Variants in SLC28A1 observed in about 807,000 individuals in gnomAD.
SLC28A1 encodes the protein sodium/nucleoside cotransporter 1.
Under a neutral mutation model 74.8 loss-of-function variants are expected in SLC28A1, and 64 were observed. The observed-to-expected ratio is 0.86, with a 90% confidence interval of 0.70 to 1.05. SLC28A1 has a LOEUF of 1.05. Among genes scored for constraint, SLC28A1 ranks in the 50% least tolerant of loss-of-function variants. SLC28A1 has a pLI of 0.00. For missense variants in SLC28A1, 828 were observed against 822.8 expected (o/e 1.01, Z -0.08); for synonymous variants, 359 against 335.0 (o/e 1.07, Z -0.78).
At chr15:84,952,130 TAGA>T in the SLC28A1 span, among the ~76,000 whole-genome samples, 4 of 152,130 alleles carry the variant, frequency 2.6e-5, no homozygotes, top group Non-Finnish European at 4.4e-5. Context: ...GAACAGGAGC[TAGA>T]AGAAGGACAG....
chr15:84,889,681 CTTCCTTCCTTCT>C lies in SLC28A1; in HGVS notation c.186-750_186-739del, dbSNP rs1368007166. Among the ~76,000 whole-genome samples the C allele has an allele frequency of 4.6e-3, 397 of 85,564 alleles. 11 individuals carry two copies. Among genetic ancestry groups the C allele is most frequent in the African/African-American group, 0.016 (364 of 22,736 alleles). 56.1% of individuals were successfully genotyped at this position (85,564 alleles called of 152,430 possible). On this transcript the variant is annotated intron_variant, in intron 4 of 18. Transcript: ENST00000394573. The stretch of plus-strand genomic sequence containing the variant: ...TTTTCTTTCCTTCCTTCCTTCTTTC[CTTCCTTCCTTCT>C]TTCCTTCCTTCCTTCTTTCCTTCCT...
chr15:84,917,389 A>G (rs564677881), intron 9 of SLC28A1, among the ~76,000 whole-genome samples: 2 of 152,234 alleles, frequency 1.3e-5, no homozygotes, highest in East Asian at 3.9e-4. Context: ...CCTCTTGCAC[A>G]TCCTTCTAAT....
rs59738243 is a variant in SLC28A1 at position 84,884,751 on chromosome 15, G to A, written c.-133G>A. 9,450 of 985,452 alleles carry A rather than the reference G, an allele frequency of 9.6e-3. 566 individuals carry two copies. The East Asian group carries it at 0.24, about 26-fold the overall frequency. The allele number at this position is 985,452 out of a possible 1,614,324, so 61.0% of individuals were successfully genotyped here. On this transcript the variant is annotated splice_region_variant and 5_prime_UTR_variant, in exon 1 of 19. Transcript: ENST00000394573. ...CCCTCTGGATGCTGACAGAAACAAGGGTGAGAGAAAAGGACAGTAGGAGAG... is the reference window on the plus strand; with the variant it reads ...CCCTCTGGATGCTGACAGAAACAAGAGTGAGAGAAAAGGACAGTAGGAGAG...
At chr15:84,904,016 C>A in intron 6 of SLC28A1, 81 bp from the exon 7 acceptor site, 1 of 1,596,544 alleles carries the variant, frequency 6.3e-7, no homozygotes. Flanking sequence ...CACCCTTTCT[C>A]TGGGTCCCCG....
At chr15:84,947,710 G>A (rs187035379), downstream of SLC28A1, among the ~76,000 whole-genome samples, 3 of 152,236 alleles carry the variant, frequency 2.0e-5, no homozygotes, top group East Asian at 5.8e-4. Flanking sequence ...GAGATCCCTG[G>A]GGCCTCTTGC....
At chr15:84,915,990 C>T (rs1005713602) in intron 9 of SLC28A1, among the ~76,000 whole-genome samples, 2 of 151,808 alleles carry the variant, frequency 1.3e-5, no homozygotes, top group Admixed American at 6.6e-5. Context: ...TAGACAGGGT[C>T]TCACTCTGTC....
the SLC28A1 span, among the ~76,000 whole-genome samples, chr15:84,971,840 G>T: frequency 6.6e-6 from 1 of 152,070 alleles, no homozygotes; most frequent in Admixed American, 6.5e-5. Context: ...ATAGAGACGG[G>T]GTTTCATCAT....
At chr15:84,895,239 C>G in intron 6 of SLC28A1, 116 bp downstream of exon 6, 4 of 1,575,244 alleles carry the variant, frequency 2.5e-6, no homozygotes, top group South Asian at 2.2e-5. Context: ...ATGGAGAACT[C>G]TCTGGCGCCC....
the SLC28A1 span, among the ~76,000 whole-genome samples, chr15:84,957,058 T>A: frequency 6.6e-6 from 1 of 152,188 alleles, no homozygotes; most frequent in South Asian, 2.1e-4. Flanking sequence ...TCTTCCCAAA[T>A]TTGTTAAGAA....
chr15:84,968,311 G>A, the SLC28A1 span, among the ~76,000 whole-genome samples: 2 of 152,180 alleles, frequency 1.3e-5, no homozygotes, highest in East Asian at 3.9e-4. Context: ...CTGGTTTGGT[G>A]TGGCTTAGCT....
In SLC28A1 at chr15:84,918,568, C is replaced by G. The variant is rs560549705; in HGVS notation, c.840C>G (p.Leu280=). 27 of 1,614,016 alleles carry G rather than the reference C, an allele frequency of 1.7e-5. No homozygotes were observed. Among genetic ancestry groups the G allele is most frequent in the Admixed American group, 1.2e-4 (7 of 60,010 alleles). The part of the protein sequence containing the change: ...IVFFSCVISV[L]YHVGLMQWVI... ...TTTTCAGCTGTGTCATATCCGTTCT[C>G]TACCACGTGGGCCTCATGCAGTGGG... Residue 280 remains leucine, a synonymous_variant, in exon 10 of 19, where the codon CTC becomes CTG. Coordinates refer to ENST00000394573, the MANE Select transcript of SLC28A1 (RefSeq NM_004213.5).
At chr15:84,912,799 C>CGCGT (rs1555449057) in intron 9 of SLC28A1, among the ~76,000 whole-genome samples, 2 of 56,044 alleles carry the variant, frequency 3.6e-5, no homozygotes, top group Non-Finnish European at 9.5e-5. Context: ...CCAAATTTTG[C>CGCGT]GCGCGCGCAC....
At chr15:84,924,134 T>C in intron 12 of SLC28A1, 24 bp downstream of exon 12, 1 of 1,608,280 alleles carries the variant, frequency 6.2e-7, no homozygotes, top group Non-Finnish European at 8.5e-7. Context: ...TCCTTCTGCT[T>C]GGCTATGTTG....
chr15:84,964,227 CT>C, the SLC28A1 span, among the ~76,000 whole-genome samples: 1 of 147,574 alleles, frequency 6.8e-6, no homozygotes, highest in African/African-American at 2.5e-5. Context: ...GGCTTGATGT[CT>C]AGTGAGGGAG....
chr15:84,943,486 T>C lies in SLC28A1; in HGVS notation c.1623T>C (p.Phe541=), dbSNP rs749835059. 4 of 1,614,144 alleles carry C rather than the reference T, an allele frequency of 2.5e-6. No homozygotes were observed. In the South Asian group the frequency reaches 4.4e-5, roughly 18 times the overall value. ...TCACGACGTTTGCCCTCTGTGGATT[T>C]GCCAATTTCAGCTCCATTGGGATCA... ...EVLTTFALCG[F]ANFSSIGIML... The change falls in exon 16 of 19, where the codon TTT becomes TTC. Residue 541 remains phenylalanine, a synonymous_variant. Transcript: ENST00000394573.
chr15:84,937,629 C>T (rs1488493941), intron 15 of SLC28A1, among the ~76,000 whole-genome samples: 1 of 152,120 alleles, frequency 6.6e-6, no homozygotes, highest in South Asian at 2.1e-4. Flanking sequence ...TGGCCAGGCA[C>T]GGTGGCTCAC....
At chr15:84,894,515 T>A (rs561603219) in intron 5 of SLC28A1, among the ~76,000 whole-genome samples, 1 of 152,256 alleles carries the variant, frequency 6.6e-6, no homozygotes, top group East Asian at 1.9e-4. Flanking sequence ...TGCTCATTGA[T>A]GAACATTTCA....
the SLC28A1 span, among the ~76,000 whole-genome samples, chr15:84,969,860 C>T: frequency 0.14 from 20,648 of 152,058 alleles, 2,392 homozygotes; most frequent in African/African-American, 0.32. Flanking sequence ...ATTTCTCTCT[C>T]GTCGAGCCTT....
chr15:84,893,576 G>A (rs552446728), intron 5 of SLC28A1, among the ~76,000 whole-genome samples: 1 of 152,080 alleles, frequency 6.6e-6, no homozygotes, highest in African/African-American at 2.4e-5. Context: ...TCACCGGGGG[G>A]GCTTATCTAT....
Sources: gnomAD v4.1 joint callset for allele counts (sites outside exome capture counted in the v4.1 genomes callset) on GRCh38, gnomAD v4.1.1 for gene constraint, MANE v1.5 for transcripts, NCBI Gene and HGNC (gene_info 2026-07-23, HGNC 2026-07-21) for gene names.